ANTXR1: variants seen among roughly 807,000 people sequenced by gnomAD.
ANTXR1 encodes the protein ANTXR cell adhesion molecule 1.
A neutral mutation model predicts 78.1 loss-of-function variants in ANTXR1; 19 were observed. That is an observed-to-expected ratio of 0.24 (90% CI 0.17 to 0.36). The LOEUF (loss-of-function observed/expected upper bound fraction) is 0.36. ANTXR1 is among the 10% of genes least tolerant of loss of function. The pLI is 1.00. For missense variants in ANTXR1, 518 were observed against 718.6 expected, an observed-to-expected ratio of 0.72 and a Z score of 3.19; for synonymous variants, 273 against 260.5, an observed-to-expected ratio of 1.05 and a Z score of -0.46.
intron 9 of ANTXR1, among the ~76,000 whole-genome samples, chr2:69,095,202 T>C (rs567964976): frequency 6.6e-6 from 1 of 152,356 alleles, no homozygotes; most frequent in Admixed American, 6.5e-5. Context: ...TGCTTTTTTC[T>C]TTCCTTTTCT....
chr2:69,091,883 T>C (rs982487965), intron 9 of ANTXR1, among the ~76,000 whole-genome samples: 2 of 152,226 alleles, frequency 1.3e-5, no homozygotes, highest in African/African-American at 4.8e-5. Context: ...GTTTCATATT[T>C]AATGGACTGC....
chr2:69,125,281 C>T (rs1672496867), intron 12 of ANTXR1, among the ~76,000 whole-genome samples: 1 of 152,156 alleles, frequency 6.6e-6, no homozygotes. Context: ...GGAGCCTTCG[C>T]ATCAAGTAGT....
intron 1 of ANTXR1, among the ~76,000 whole-genome samples, chr2:69,014,414 A>AG (rs11453264): frequency 0.22 from 34,069 of 152,042 alleles, 6,269 homozygotes; most frequent in African/African-American, 0.51. Flanking sequence ...CCCCAGATGT[A>AG]GTGAATTCAA....
chr2:69,189,565 C>T (rs1674502628), intron 16 of ANTXR1, among the ~76,000 whole-genome samples: 1 of 152,160 alleles, frequency 6.6e-6, no homozygotes, highest in African/African-American at 2.4e-5. Context: ...AGATGAAAGG[C>T]CAATCAGGAA....
At chr2:69,156,263 A>G (rs1269130190) in intron 13 of ANTXR1, among the ~76,000 whole-genome samples, 1 of 152,192 alleles carries the variant, frequency 6.6e-6, no homozygotes, top group Non-Finnish European at 1.5e-5. Context: ...TCTCCGTGAG[A>G]AAACAGAAGC....
intron 17 of ANTXR1, among the ~76,000 whole-genome samples, chr2:69,211,668 C>T (rs77504201): frequency 0.059 from 8,950 of 152,268 alleles, 714 homozygotes; most frequent in African/African-American, 0.17. Flanking sequence ...GGGGAACATA[C>T]GCAGCATTTC....
intron 16 of ANTXR1, among the ~76,000 whole-genome samples, chr2:69,184,532 G>T (rs1674373684): frequency 6.6e-6 from 1 of 152,208 alleles, no homozygotes; most frequent in Admixed American, 6.5e-5. Flanking sequence ...TCTGTACCTT[G>T]TGACTAACGC....
At chr2:69,151,610 G>T (rs759314926) in intron 12 of ANTXR1, among the ~76,000 whole-genome samples, 1 of 151,980 alleles carries the variant, frequency 6.6e-6, no homozygotes. Context: ...GTAGCCCCTC[G>T]CCTCCCAGGT....
chr2:69,167,276 G>T (rs1195862090), intron 13 of ANTXR1, among the ~76,000 whole-genome samples: 1 of 152,226 alleles, frequency 6.6e-6, no homozygotes, highest in Non-Finnish European at 1.5e-5. Context: ...CTGGTTTTAA[G>T]TACTGAAGCA....
chr2:69,013,151 T>G, upstream of ANTXR1: 2 of 107,760 alleles, frequency 1.9e-5, no homozygotes, highest in East Asian at 2.9e-4. This position sits in a 1 kb window ranked among gnomAD's most constrained non-coding sequence, Gnocchi z 5.0. Context: ...CCCATCATAT[T>G]TAAAATCTGG....
chr2:69,187,788 A>T (rs1358176131), intron 16 of ANTXR1, among the ~76,000 whole-genome samples: 4 of 151,056 alleles, frequency 2.6e-5, no homozygotes, highest in African/African-American at 4.9e-5. Context: ...ACTGGGTTTC[A>T]TCATGTTGGC....
At chr2:69,148,458 T>C (rs967009141) in intron 12 of ANTXR1, among the ~76,000 whole-genome samples, 6 of 152,176 alleles carry the variant, frequency 3.9e-5, no homozygotes, top group African/African-American at 1.4e-4. Flanking sequence ...TGCTGGGAGC[T>C]ATGGAACCAA....
At chr2:69,217,802 A>AG (rs5831967) in intron 17 of ANTXR1, among the ~76,000 whole-genome samples, 64,176 of 151,894 alleles carry the variant, frequency 0.42, 14,131 homozygotes, top group East Asian at 0.78. Context: ...TCTAGGCACT[A>AG]GCGGTATATG....
chr2:69,045,139 C>T (rs1204284129), intron 3 of ANTXR1, among the ~76,000 whole-genome samples: 1 of 152,046 alleles, frequency 6.6e-6, no homozygotes, highest in African/African-American at 2.4e-5. Flanking sequence ...ACTATATTTT[C>T]TTTTACTTAA....
chr2:69,027,429 G>A (rs1163567561), intron 1 of ANTXR1, among the ~76,000 whole-genome samples: 1 of 152,182 alleles, frequency 6.6e-6, no homozygotes, highest in Non-Finnish European at 1.5e-5. Context: ...CTGGAATGAT[G>A]TAACTGTGTC....
chr2:69,038,173 G>A (rs576443767), intron 1 of ANTXR1, among the ~76,000 whole-genome samples: 56 of 152,122 alleles, frequency 3.7e-4, no homozygotes, highest in Non-Finnish European at 6.3e-4. Flanking sequence ...TTTCATGACA[G>A]GTTACATATT....
intron 3 of ANTXR1, among the ~76,000 whole-genome samples, chr2:69,057,835 G>A (rs945086998): frequency 3.3e-5 from 5 of 152,322 alleles, no homozygotes; most frequent in Admixed American, 3.3e-4. Flanking sequence ...GTGCCTGTTA[G>A]CTAAGTTGTG....
chr2:69,191,854 C>G (rs527305442), intron 16 of ANTXR1, among the ~76,000 whole-genome samples: 7 of 152,376 alleles, frequency 4.6e-5, no homozygotes, highest in South Asian at 4.1e-4. Context: ...AATCTCAACT[C>G]TGGTTTATAA....
chr2:69,061,702 T>A (rs988479136), intron 3 of ANTXR1, among the ~76,000 whole-genome samples: 1 of 152,156 alleles, frequency 6.6e-6, no homozygotes, highest in African/African-American at 2.4e-5. Context: ...TAGAGAGATG[T>A]GAATAAATAG....
Sources: allele counts gnomAD v4.1 joint callset (sites outside exome capture counted in the v4.1 genomes callset), GRCh38; gene constraint gnomAD v4.1.1; non-coding constraint Gnocchi (gnomAD v3.1); transcripts MANE v1.5; gene names NCBI Gene and HGNC (gene_info 2026-07-23, HGNC 2026-07-21).